The following SASH1 variants were observed in gnomAD, a reference collection of about 807,000 sequenced individuals.
The protein encoded by SASH1 is SAM and SH3 domain containing 1, also known as SAM and SH3 domain-containing protein 1.
A neutral mutation model predicts 125.2 loss-of-function variants in SASH1; 44 were observed. That is an observed-to-expected ratio of 0.35 (90% confidence interval 0.28 to 0.45). The LOEUF (loss-of-function observed/expected upper bound fraction) is 0.45. SASH1 is among the 20% of genes least tolerant of loss of function. The pLI, the probability that SASH1 is intolerant of heterozygous loss-of-function variation, is 1.00. For missense variants in SASH1, 1,426 were observed against 1,614.5 expected (o/e 0.88, Z 2.00); for synonymous variants, 639 against 649.1 (o/e 0.98, Z 0.24).
At chr6:148,542,459 T>C (rs1241511837) in intron 17 of SASH1, among the ~76,000 whole-genome samples, 1 of 152,208 alleles carries the variant, frequency 6.6e-6, no homozygotes, top group Non-Finnish European at 1.5e-5. Flanking sequence ...CGATCTTGGC[T>C]CACTGCAAGG....
chr6:148,270,511 A>T (rs1301855121), upstream of SASH1, among the ~76,000 whole-genome samples: 1 of 152,182 alleles, frequency 6.6e-6, no homozygotes, highest in East Asian at 1.9e-4. Flanking sequence ...CCCCCAACCA[A>T]AAAAAGCTAG....
At chr6:148,324,221 G>A (rs567549294) in intron 1 of SASH1, among the ~76,000 whole-genome samples, 1 of 151,858 alleles carries the variant, frequency 6.6e-6, no homozygotes, top group South Asian at 2.1e-4. Context: ...CTGAGGAGAA[G>A]AGTGGTAGAA....
chr6:148,546,524 G>A (rs1051795074), intron 19 of SASH1, among the ~76,000 whole-genome samples: 8 of 152,048 alleles, frequency 5.3e-5, no homozygotes, highest in South Asian at 4.1e-4. Context: ...AATAAAATCC[G>A]TCTGAATGAC....
intron 2 of SASH1, among the ~76,000 whole-genome samples, chr6:148,399,290 T>C (rs1784081066): frequency 6.9e-6 from 1 of 145,318 alleles, no homozygotes; most frequent in South Asian, 2.2e-4. Flanking sequence ...TGATCTCGGC[T>C]CACTGGAACC....
chr6:148,199,630 A>G, the SASH1 span, among the ~76,000 whole-genome samples: 3 of 151,166 alleles, frequency 2.0e-5, no homozygotes, highest in Non-Finnish European at 4.4e-5. Flanking sequence ...TCCGGGAGTT[A>G]GAGCTGTGAT....
chr6:148,245,446 G>T, the SASH1 span, among the ~76,000 whole-genome samples: 1 of 152,132 alleles, frequency 6.6e-6, no homozygotes, highest in Admixed American at 6.5e-5. Context: ...GATACAAAAG[G>T]TCAATCTAAC....
chr6:148,290,545 G>A (rs1779602229), intron 1 of SASH1, among the ~76,000 whole-genome samples: 1 of 152,100 alleles, frequency 6.6e-6, no homozygotes, highest in East Asian at 1.9e-4. Context: ...GGCGAAGCTT[G>A]CAGTGAGCCA....
chr6:148,540,562 G>A lies in SASH1; in HGVS notation c.2209+6G>A, dbSNP rs1336775013. The A allele has an allele frequency of 6.2e-7, 1 of 1,603,358 alleles. No homozygotes were observed. Among genetic ancestry groups the A allele is most frequent in the Non-Finnish European group, 8.5e-7 (1 of 1,171,026 alleles). On this transcript the variant is annotated splice_donor_region_variant and intron_variant, in intron 17 of 19. Transcript: ENST00000367467. ...CAGTGAGAACCTGGAAAACGGTAAT[G>A]TCAGCATGAGTCGCTGGGAACCTGC...
At chr6:148,202,494 G>A in the SASH1 span, among the ~76,000 whole-genome samples, 1 of 152,196 alleles carries the variant, frequency 6.6e-6, no homozygotes, top group East Asian at 1.9e-4. Flanking sequence ...AGACAGGAGG[G>A]CTGCCGGGAG....
chr6:148,438,163 T>C (rs1237663664), intron 2 of SASH1, among the ~76,000 whole-genome samples: 1 of 152,198 alleles, frequency 6.6e-6, no homozygotes, highest in East Asian at 1.9e-4. Flanking sequence ...TCAGACAAAC[T>C]AACAGTTTAG....
chr6:148,514,011 G>A, intron 8 of SASH1: 1 of 1,033,602 alleles, frequency 9.7e-7, no homozygotes, highest in Non-Finnish European at 1.2e-6. Flanking sequence ...ATCGGAGGGA[G>A]AGTCCTGCTG....
intron 1 of SASH1, among the ~76,000 whole-genome samples, chr6:148,362,065 A>C (rs541635094): frequency 2.4e-4 from 35 of 143,970 alleles, no homozygotes; most frequent in East Asian, 6.3e-4. Context: ...AGACGCCCAC[A>C]ACCACGCCCA....
chr6:148,357,784 G>T (rs1015567039), intron 1 of SASH1, among the ~76,000 whole-genome samples: 1 of 152,070 alleles, frequency 6.6e-6, no homozygotes, highest in South Asian at 2.1e-4. Context: ...TTTCGGCCAG[G>T]CACAGTGGCT....
chr6:148,259,914 C>T, the SASH1 span, among the ~76,000 whole-genome samples: 1 of 152,098 alleles, frequency 6.6e-6, no homozygotes, highest in African/African-American at 2.4e-5. Context: ...GAGACAGGAT[C>T]TCATTCTGTC....
At chr6:148,466,572 CTCT>C (rs771989776) in intron 4 of SASH1, among the ~76,000 whole-genome samples, 6 of 152,156 alleles carry the variant, frequency 3.9e-5, no homozygotes, top group Non-Finnish European at 7.3e-5. Context: ...ATTCTTCTTC[CTCT>C]GAATGAGACA....
chr6:148,466,250 CCT>C (rs1258796007), intron 4 of SASH1, among the ~76,000 whole-genome samples: 8 of 152,288 alleles, frequency 5.3e-5, no homozygotes, highest in East Asian at 1.9e-4. Flanking sequence ...CGGTTTCTCC[CCT>C]GATTCTGTTC....
the SASH1 span, among the ~76,000 whole-genome samples, chr6:148,208,239 G>A: frequency 3.9e-5 from 6 of 152,224 alleles, no homozygotes; most frequent in Admixed American, 1.3e-4. Context: ...GATTTTGGAA[G>A]AGGAACATGA....
intron 2 of SASH1, among the ~76,000 whole-genome samples, chr6:148,422,188 A>G (rs988454093): frequency 3.3e-5 from 5 of 152,190 alleles, no homozygotes; most frequent in Non-Finnish European, 7.4e-5. Context: ...TGTTTTGCAG[A>G]CAGGGCTGCT....
rs571578868 is a variant in SASH1 at position 148,367,579 on chromosome 6, G to T, written c.157-22555G>T. ...CTTTCCTTGGGGAGGGTGGACCAGG[G>T]TGAAGCAGGATGTGATGACACGCAG... On this transcript the variant is annotated intron_variant, in intron 1 of 19. Coordinates refer to ENST00000367467, the MANE Select transcript of SASH1 (RefSeq NM_015278.5). 1.6e-4 allele frequency among the ~76,000 whole-genome samples: 24 copies of T among 152,336 alleles called. 1 individual carries two copies. Among genetic ancestry groups the T allele is most frequent in the African/African-American group, 5.8e-4 (24 of 41,590 alleles).
Sources: allele counts gnomAD v4.1 joint callset (sites outside exome capture counted in the v4.1 genomes callset), GRCh38; gene constraint gnomAD v4.1.1; transcripts MANE v1.5; gene names NCBI Gene and HGNC (gene_info 2026-07-23, HGNC 2026-07-21).